Variants in FSTL5 observed in about 807,000 individuals in gnomAD.
FSTL5 encodes follistatin-related protein 5.
Under a neutral mutation model 89.1 loss-of-function variants are expected in FSTL5, and 62 were observed. The ratio of observed to expected loss-of-function variants is 0.70; its 90% CI spans 0.57 to 0.86. The LOEUF (loss-of-function observed/expected upper bound fraction) is 0.86, where lower values mean the gene tolerates loss of function less well. FSTL5 is among the 40% of genes least tolerant of loss of function. FSTL5 has a pLI of 0.00. For synonymous variants in FSTL5, 383 were observed against 346.2 expected, an observed-to-expected ratio of 1.11 and a Z score of -1.18; for missense variants, 1,057 against 1,001.6, an observed-to-expected ratio of 1.06 and a Z score of -0.75.
chr4:161,950,137 A>G (rs2110949566), intron 3 of FSTL5, among the ~76,000 whole-genome samples: 1 of 152,276 alleles, frequency 6.6e-6, no homozygotes, highest in South Asian at 2.1e-4. Flanking sequence ...CTACTGATTC[A>G]GTTAGAATGA....
chr4:161,749,648 C>T (rs986309747), intron 6 of FSTL5, among the ~76,000 whole-genome samples: 30 of 151,740 alleles, frequency 2.0e-4, no homozygotes, highest in South Asian at 4.2e-4. Context: ...ATACAATAGC[C>T]GGGCATGGTG....
intron 15 of FSTL5, among the ~76,000 whole-genome samples, chr4:161,406,248 A>T (rs1350772055): frequency 6.6e-6 from 1 of 151,390 alleles, no homozygotes; most frequent in African/African-American, 2.4e-5. Context: ...AAGTATTTTC[A>T]AACTTCCTTT....
intron 13 of FSTL5, among the ~76,000 whole-genome samples, chr4:161,477,868 T>A (rs4234940): frequency 0.99 from 150,435 of 152,154 alleles, 74,394 homozygotes; most frequent in Middle Eastern, 1. Flanking sequence ...CAATAGTGTA[T>A]ACATTTTGCC....
intron 10 of FSTL5, among the ~76,000 whole-genome samples, chr4:161,530,641 T>C (rs971141394): frequency 7.9e-5 from 12 of 152,190 alleles, no homozygotes; most frequent in Admixed American, 5.2e-4. Flanking sequence ...TCTAGCCTTA[T>C]AGTATATTTA....
intron 15 of FSTL5, among the ~76,000 whole-genome samples, chr4:161,416,828 G>A (rs1471882084): frequency 1.4e-5 from 2 of 145,158 alleles, no homozygotes; most frequent in Non-Finnish European, 1.5e-5. Flanking sequence ...CTGGGTGACA[G>A]AGCGAGACTC....
At chr4:161,702,376 T>G (rs1419267255) in intron 6 of FSTL5, among the ~76,000 whole-genome samples, 1 of 152,146 alleles carries the variant, frequency 6.6e-6, no homozygotes, top group Non-Finnish European at 1.5e-5. Flanking sequence ...GTCTTATAAC[T>G]CTAATTTCTC....
At chr4:161,621,983 C>A (rs781744486) in intron 7 of FSTL5, among the ~76,000 whole-genome samples, 2 of 151,424 alleles carry the variant, frequency 1.3e-5, no homozygotes, top group Non-Finnish European at 2.9e-5. Context: ...GCAACAAGCA[C>A]GAAACTCCCT....
At chr4:161,575,684 C>G (rs1028143885) in intron 8 of FSTL5, among the ~76,000 whole-genome samples, 4 of 152,076 alleles carry the variant, frequency 2.6e-5, no homozygotes, top group African/African-American at 7.2e-5. Context: ...GAACTCCTGA[C>G]CTTGTGATCC....
rs534540268 is a variant in FSTL5, at chr4:161,555,603, G to GC, written c.1016-12911dup. ...CTCCTCCTAAGCAGAAAATTTGAAC[G>GC]CATCTCTAATACTTTCTGCTATGCT... On this transcript the variant is annotated intron_variant, in intron 8 of 15. Transcript: ENST00000306100. Among the ~76,000 whole-genome samples the GC allele has an allele frequency of 2.1e-3, 315 of 151,504 alleles. 2 individuals carry two copies. The highest frequency in any genetic ancestry group is 7.0e-3 in the African/African-American group (289 of 41,442).
At chr4:161,839,890 A>T (rs1218958342) in intron 4 of FSTL5, among the ~76,000 whole-genome samples, 1 of 152,334 alleles carries the variant, frequency 6.6e-6, no homozygotes, top group South Asian at 2.1e-4. Flanking sequence ...AGAAATTTTT[A>T]AAGGAAAATG....
chr4:161,574,276 C>G (rs1236266280), intron 8 of FSTL5, among the ~76,000 whole-genome samples: 1 of 151,886 alleles, frequency 6.6e-6, no homozygotes, highest in African/African-American at 2.4e-5. Flanking sequence ...ATTCACCTGA[C>G]CACACCCAGG....
chr4:161,677,925 T>A (rs1487169091), intron 6 of FSTL5, among the ~76,000 whole-genome samples: 1 of 151,810 alleles, frequency 6.6e-6, no homozygotes, highest in Non-Finnish European at 1.5e-5. Context: ...AATGTATACA[T>A]AGTCTAAATA....
chr4:162,032,490 G>C (rs1168877263), intron 3 of FSTL5: 4 of 152,140 alleles, frequency 2.6e-5, no homozygotes, highest in Non-Finnish European at 5.9e-5. Flanking sequence ...GGAATCCCTG[G>C]AAGAACAGTC....
intron 7 of FSTL5, among the ~76,000 whole-genome samples, chr4:161,603,896 A>C (rs774602349): frequency 6.6e-6 from 1 of 152,184 alleles, no homozygotes; most frequent in Non-Finnish European, 1.5e-5. Context: ...AGTACAATGC[A>C]TTTTTTACCT....
chr4:161,692,104 G>C (rs964229624), intron 6 of FSTL5, among the ~76,000 whole-genome samples: 1 of 151,394 alleles, frequency 6.6e-6, no homozygotes, highest in African/African-American at 2.4e-5. Context: ...TGTATGACTT[G>C]CAGTATAATG....
intron 9 of FSTL5, among the ~76,000 whole-genome samples, chr4:161,540,402 T>C (rs373665764): frequency 1.9e-4 from 29 of 151,594 alleles, no homozygotes; most frequent in African/African-American, 7.0e-4. Context: ...CCCATCATAA[T>C]ACTAACTTCA....
chr4:161,619,832 T>A (rs1408284569), intron 7 of FSTL5, among the ~76,000 whole-genome samples: 1 of 152,082 alleles, frequency 6.6e-6, no homozygotes, highest in Non-Finnish European at 1.5e-5. Context: ...AGCCATCCCA[T>A]TACTGGGTAT....
intron 4 of FSTL5, among the ~76,000 whole-genome samples, chr4:161,779,786 TATATA>T (rs1741571747): frequency 2.3e-5 from 1 of 42,752 alleles, no homozygotes; most frequent in Admixed American, 2.8e-4. Context: ...TATATATATA[TATATA>T]TATATATATA....
At chr4:162,153,194 G>A (rs1242315014) in intron 1 of FSTL5, among the ~76,000 whole-genome samples, 1 of 151,858 alleles carries the variant, frequency 6.6e-6, no homozygotes, top group Non-Finnish European at 1.5e-5. Context: ...TAAAGTCCCT[G>A]AGGTTTACTA....
Sources: gnomAD v4.1 joint callset for allele counts (sites outside exome capture counted in the v4.1 genomes callset) on GRCh38, gnomAD v4.1.1 for gene constraint, MANE v1.5 for transcripts, NCBI Gene and HGNC (gene_info 2026-07-23, HGNC 2026-07-21) for gene names.